Variants in FMN1 observed in about 807,000 individuals in gnomAD.
FMN1 encodes the protein formin-1.
FMN1 carries 110 observed loss-of-function variants against 132.4 expected under a neutral mutation model. The ratio of observed to expected loss-of-function variants is 0.83; its 90% CI spans 0.71 to 0.97. FMN1 has a LOEUF of 0.97. Ranked by LOEUF, FMN1 falls within the 50% of genes least tolerant of loss-of-function variation. The pLI, the probability that FMN1 is intolerant of heterozygous loss-of-function variation, is 0.00. For missense variants in FMN1, 1,792 were observed against 1,705.3 expected, an observed-to-expected ratio of 1.05 and a Z score of -0.90; for synonymous variants, 722 against 651.7, an observed-to-expected ratio of 1.11 and a Z score of -1.64.
Position 32,822,165 on chromosome 15 carries a change from A to G in FMN1, c.3929-17833T>C, listed in dbSNP as rs182578410. On this transcript the variant is annotated intron_variant, in intron 17 of 20. Transcript: ENST00000616417. Reference sequence around the variant, plus strand: ...GGAGTTCGAGACCAGCCTGGCCAACATGGTGAAACCCCGCCTCTACTAAAA... The same window carrying G: ...GGAGTTCGAGACCAGCCTGGCCAACGTGGTGAAACCCCGCCTCTACTAAAA... Among the ~76,000 whole-genome samples, 722 of 152,216 alleles carry G rather than the reference A, an allele frequency of 4.7e-3. 5 individuals are homozygous for G. The highest frequency in any genetic ancestry group is 0.017 in the African/African-American group (694 of 41,548).
At chr15:32,797,868 C>T (rs1567182243) in intron 19 of FMN1, among the ~76,000 whole-genome samples, 1 of 152,070 alleles carries the variant, frequency 6.6e-6, no homozygotes, top group South Asian at 2.1e-4. Context: ...ATGTATATAT[C>T]TTTTCTTTGA....
chr15:32,926,917 T>G (rs2060976088), intron 9 of FMN1, among the ~76,000 whole-genome samples: 4 of 152,174 alleles, frequency 2.6e-5, no homozygotes, highest in Admixed American at 2.6e-4. Context: ...TCAGAGTAGC[T>G]GGGATCACAG....
intron 6 of FMN1, among the ~76,000 whole-genome samples, chr15:33,058,037 G>A (rs888816918): frequency 5.2e-5 from 7 of 133,838 alleles, no homozygotes; most frequent in African/African-American, 1.1e-4. Context: ...AAGGCGTGGC[G>A]GGCTGGTGGT....
At chr15:32,868,522 G>A (rs947728109) in intron 16 of FMN1, among the ~76,000 whole-genome samples, 2 of 152,122 alleles carry the variant, frequency 1.3e-5, no homozygotes, top group Non-Finnish European at 2.9e-5. Context: ...ATTGCCTAAC[G>A]ACACATTTCT....
intron 5 of FMN1, 86 bp from the exon 6 acceptor site, chr15:33,065,160 A>G (rs1037306472): frequency 1.2e-6 from 1 of 842,848 alleles, no homozygotes; most frequent in East Asian, 2.6e-5. Context: ...CTAATTCTGA[A>G]GTTAATTTTA....
chr15:32,779,423 G>A (rs554117196), intron 19 of FMN1, among the ~76,000 whole-genome samples: 1 of 152,200 alleles, frequency 6.6e-6, no homozygotes, highest in African/African-American at 2.4e-5. Context: ...TTAACTGTTT[G>A]TGAGGATGCA....
At position 33,153,580 on chromosome 15, in the gene FMN1, C is replaced by T. The variant is rs969247656; in HGVS notation, c.1335G>A (p.Thr445=). ...TTTCTGGGCGAGTGTGAGGGACACT[C>T]GTGTGGACAGGGAAGCCCAGTCTTT... The part of the protein sequence containing the change: ...EGKRLGFPVH[T]SVPHTRPETR... Residue 445 remains threonine (T), a synonymous_variant, in exon 4 of 21, where the codon ACG becomes ACA. Coordinates refer to ENST00000616417, the MANE Select transcript of FMN1 (RefSeq NM_001277313.2). 2.3e-5 allele frequency: 36 copies of T among 1,536,134 alleles called. No homozygotes were observed. The highest frequency in any genetic ancestry group is 6.8e-5 in the African/African-American group (5 of 73,050).
intron 9 of FMN1, among the ~76,000 whole-genome samples, chr15:32,944,659 C>G (rs1301924464): frequency 6.6e-6 from 1 of 151,904 alleles, no homozygotes; most frequent in East Asian, 1.9e-4. Flanking sequence ...GTATTTGGCA[C>G]CCCATCCCCA....
At chr15:32,964,641 A>G (rs913209795) in intron 8 of FMN1, among the ~76,000 whole-genome samples, 1 of 152,288 alleles carries the variant, frequency 6.6e-6, no homozygotes, top group Non-Finnish European at 1.5e-5. Context: ...AAGATAACCA[A>G]TTTGAGACTG....
At chr15:32,778,583 C>G (rs1371914289) in intron 19 of FMN1, among the ~76,000 whole-genome samples, 1 of 151,942 alleles carries the variant, frequency 6.6e-6, no homozygotes, top group African/African-American at 2.4e-5. Flanking sequence ...TCAGAAAATG[C>G]AAATCAAAAC....
intron 10 of FMN1, among the ~76,000 whole-genome samples, chr15:32,916,557 G>C (rs1307947048): frequency 6.6e-6 from 1 of 152,192 alleles, no homozygotes; most frequent in African/African-American, 2.4e-5. Flanking sequence ...CAGGTAGGTA[G>C]GGTTGGGTTG....
chr15:32,916,610 T>C (rs975326638), intron 10 of FMN1, among the ~76,000 whole-genome samples: 1 of 152,208 alleles, frequency 6.6e-6, no homozygotes, highest in Admixed American at 6.5e-5. Flanking sequence ...GAATGATTTG[T>C]ACGTAGCCTG....
rs1467087570 is a variant in FMN1, at chr15:32,773,540, G to C, written c.*770C>G. On this transcript the variant is annotated 3_prime_UTR_variant, in exon 21 of 21. Transcript: ENST00000616417. The stretch of plus-strand genomic sequence containing the variant: ...GTATTACATTTTCTCCTGGGAGTTG[G>C]GGTGCAGAATCTCTGCTGGCCCAGA... 6.6e-6 allele frequency: 1 copy of C among 152,134 alleles called. No individual in the cohort carries two copies. Among genetic ancestry groups the C allele is most frequent in the African/African-American group, 2.4e-5 (1 of 41,410 alleles). 9.4% of individuals were successfully genotyped at this position (152,134 alleles called of 1,614,324 possible).
chr15:32,783,234 G>T (rs931702802), intron 19 of FMN1, among the ~76,000 whole-genome samples: 6 of 152,144 alleles, frequency 3.9e-5, no homozygotes, highest in Admixed American at 3.9e-4. Flanking sequence ...ATCAGAGAAA[G>T]AAAATATATA....
chr15:33,155,595 A>G (rs913144261), intron 3 of FMN1, among the ~76,000 whole-genome samples: 19 of 152,274 alleles, frequency 1.2e-4, no homozygotes, highest in African/African-American at 4.3e-4. Context: ...TGGTGTCAAC[A>G]GTAAAAATTT....
intron 17 of FMN1, among the ~76,000 whole-genome samples, chr15:32,841,654 C>T (rs1449516959): frequency 1.3e-5 from 2 of 152,070 alleles, no homozygotes; most frequent in East Asian, 1.9e-4. Flanking sequence ...ACATGTGAAT[C>T]GCTTTGTGGA....
intron 5 of FMN1, among the ~76,000 whole-genome samples, chr15:33,069,190 T>C (rs1167472677): frequency 2.0e-5 from 3 of 152,164 alleles, no homozygotes; most frequent in African/African-American, 7.2e-5. Context: ...CCCAGTGTAG[T>C]TTCTACCACT....
At chr15:33,034,806 A>AC (rs1398553779) in intron 6 of FMN1, among the ~76,000 whole-genome samples, 2 of 151,724 alleles carry the variant, frequency 1.3e-5, no homozygotes, top group Non-Finnish European at 2.9e-5. Context: ...TACCCTCCAC[A>AC]CCCCCTGTGC....
chr15:32,997,440 G>A (rs1023600497), intron 7 of FMN1, among the ~76,000 whole-genome samples: 3 of 151,708 alleles, frequency 2.0e-5, no homozygotes, highest in African/African-American at 4.8e-5. Flanking sequence ...CATTATACTA[G>A]GCAGTGAATA....
Sources: gnomAD v4.1 joint callset for allele counts (sites outside exome capture counted in the v4.1 genomes callset) on GRCh38, gnomAD v4.1.1 for gene constraint, MANE v1.5 for transcripts, NCBI Gene and HGNC (gene_info 2026-07-23, HGNC 2026-07-21) for gene names.